Variants in SERPINB6 observed in about 807,000 individuals in gnomAD.
SERPINB6 encodes serpin family B member 6.
SERPINB6 carries 16 observed loss-of-function variants against 26.1 expected under a neutral mutation model. The ratio of observed to expected loss-of-function variants is 0.61; its 90% CI spans 0.42 to 0.93. The LOEUF is 0.93. Ranked by LOEUF, SERPINB6 falls within the 40% of genes least tolerant of loss-of-function variation. The pLI, the probability that SERPINB6 is intolerant of heterozygous loss-of-function variation, is 0.00. For synonymous variants in SERPINB6, 174 were observed against 176.6 expected, an observed-to-expected ratio of 0.99 and a Z score of 0.11; for missense variants, 420 against 478.0, an observed-to-expected ratio of 0.88 and a Z score of 1.13.
At chr6:2,953,013 G>A (rs775235260) in intron 5 of SERPINB6, 31 bp downstream of exon 5, 1 of 1,613,720 alleles carries the variant, frequency 6.2e-7, no homozygotes, top group South Asian at 1.1e-5. Context: ...TGTGAACACA[G>A]GCGCTGCTCC....
Position 2,955,654 on chromosome 6 carries a change from T to C in SERPINB6, c.182A>G (p.Lys61Arg). The C allele has an allele frequency of 6.2e-7, 1 of 1,614,212 alleles. No homozygotes were observed. Among genetic ancestry groups the C allele is most frequent in the Non-Finnish European group, 8.5e-7 (1 of 1,180,040 alleles). ...GTGGATGTCTCCACCACCGCCACTT[T>C]TATTGAAAGAAAGTATCTGAAATCA... ...AQMAQILSFN[K>R]SGGGGDIHQG... Residue 61 changes from lysine (K) to arginine (R), a missense_variant, in exon 3 of 7, where the codon AAA becomes AGA. Transcript: ENST00000380539.
intron 5 of SERPINB6, among the ~76,000 whole-genome samples, chr6:2,950,574 T>G (rs2113124318): frequency 6.8e-6 from 1 of 146,852 alleles, no homozygotes; most frequent in East Asian, 2.0e-4. Flanking sequence ...CTCTGCTGAA[T>G]AAATGATAAA....
At chr6:2,962,074 A>G (rs750443738) in intron 1 of SERPINB6, 13 of 985,302 alleles carry the variant, frequency 1.3e-5, no homozygotes, top group Non-Finnish European at 1.6e-5. Context: ...GGCTAATAAT[A>G]AAACACTCCG....
chr6:2,971,314 G>A (rs1772141470), intron 1 of SERPINB6: 3 of 421,660 alleles, frequency 7.1e-6, no homozygotes, highest in Admixed American at 6.4e-5. Flanking sequence ...ACGCTCGCCC[G>A]GGCCCCCGCC....
intron 1 of SERPINB6, chr6:2,971,023 C>T (rs1581291860): frequency 8.2e-7 from 1 of 1,215,896 alleles, no homozygotes; most frequent in East Asian, 3.2e-5. Context: ...TCCCGCCCGG[C>T]TCCTAACACC....
rs550855004 is a variant in SERPINB6, at chr6:2,948,483, C to T, written c.946G>A (p.Val316Met). ...SQTDLSLSKV[V>M]HKSFVEVNEE... ...TTGACCTCCACAAAAGACTTGTGCACGACCTTGGACAGAGACAGGTCTGTC... is the reference window on the plus strand; with the variant it reads ...TTGACCTCCACAAAAGACTTGTGCATGACCTTGGACAGAGACAGGTCTGTC... Residue 316 changes from valine to methionine, a missense_variant, in exon 7 of 7, where the codon GTG becomes ATG. Transcript: ENST00000380539. The surrounding 1 kb of genome is among the most constrained non-coding windows in gnomAD (Gnocchi z 5.0). 78 of 1,614,194 alleles carry T rather than the reference C, an allele frequency of 4.8e-5. No homozygotes were observed. The highest frequency in any genetic ancestry group is 3.7e-4 in the African/African-American group (28 of 75,056).
Position 2,967,340 on chromosome 6 carries a change from C to T in SERPINB6, c.-11+4193G>A. 1 of 460,004 alleles carries T rather than the reference C, an allele frequency of 2.2e-6. No homozygotes were observed. The highest frequency in any genetic ancestry group is 2.9e-6 in the Non-Finnish European group (1 of 349,770). 28.5% of individuals were successfully genotyped at this position (460,004 alleles called of 1,614,324 possible). On this transcript the variant is annotated intron_variant, in intron 1 of 6. Transcript: ENST00000380539. This position sits in a 1 kb window ranked among gnomAD's most constrained non-coding sequence, Gnocchi z 4.3. ...GTAAAAGCCAAAACTATAAAAAACC[C>T]TGGAAGACAATCTAGGCAATACCAT...
At chr6:2,959,875 GA>G (rs1316042633) in intron 1 of SERPINB6, 4 of 190,468 alleles carry the variant, frequency 2.1e-5, no homozygotes, top group Non-Finnish European at 4.4e-5. Flanking sequence ...AAAGATGCGT[GA>G]AAGCCTTTCA....
At chr6:2,965,310 C>T (rs1771510800) in intron 1 of SERPINB6, among the ~76,000 whole-genome samples, 1 of 152,240 alleles carries the variant, frequency 6.6e-6, no homozygotes, top group South Asian at 2.1e-4. Context: ...CTCCGTCTGT[C>T]ACCATGCTGC....
At chr6:2,954,742 T>A in intron 3 of SERPINB6, 33 bp from the exon 4 acceptor site, 1 of 1,493,944 alleles carries the variant, frequency 6.7e-7, no homozygotes, top group Non-Finnish European at 9.3e-7. Flanking sequence ...ACTGCCTGGC[T>A]ACAAAAATGA....
intron 1 of SERPINB6, chr6:2,971,171 TG>T: frequency 4.0e-6 from 4 of 995,630 alleles, no homozygotes; most frequent in Non-Finnish European, 3.6e-6. Context: ...GCCTCTTCCG[TG>T]GGCGCTGGGC....
At chr6:2,953,256 TG>T in intron 4 of SERPINB6, 70 bp from the exon 5 acceptor site, 1 of 1,604,318 alleles carries the variant, frequency 6.2e-7, no homozygotes, top group South Asian at 1.1e-5. Flanking sequence ...AGGAATCGGC[TG>T]GGGCCTTCTC....
rs574487658 is a variant in SERPINB6 at position 2,968,350 on chromosome 6, T to C, written c.-11+3183A>G. Reference sequence around the variant, plus strand: ...GGGAGAGGAAAAAATAACTATTGGGTACTAGGCTTAGTACCTGGGGGATGA... The same window carrying C: ...GGGAGAGGAAAAAATAACTATTGGGCACTAGGCTTAGTACCTGGGGGATGA... On this transcript the variant is annotated intron_variant, in intron 1 of 6. Coordinates refer to ENST00000380539, the MANE Select transcript of SERPINB6 (RefSeq NM_004568.6). 2.2e-5 allele frequency: 7 copies of C among 319,388 alleles called. No homozygotes were observed. The South Asian group carries it at 7.4e-4, about 34-fold the overall frequency. 19.8% of individuals were successfully genotyped at this position (319,388 alleles called of 1,614,324 possible). A position where few individuals can be genotyped will look rare whatever the true frequency, so the allele number is the denominator to read the frequency against.
At chr6:2,962,081 TC>T (rs1771178671) in intron 1 of SERPINB6, 1 of 985,174 alleles carries the variant, frequency 1.0e-6, no homozygotes, top group Non-Finnish European at 1.2e-6. Flanking sequence ...AATAAAACAC[TC>T]CGTCTCCGGT....
chr6:2,949,457 C>A (rs991853890), intron 5 of SERPINB6, among the ~76,000 whole-genome samples: 2 of 152,234 alleles, frequency 1.3e-5, no homozygotes, highest in African/African-American at 4.8e-5. Context: ...GTAGATCCTC[C>A]AAGTCGGCTC....
intron 3 of SERPINB6, 90 bp from the exon 4 acceptor site, chr6:2,954,799 A>G (rs1310956552): frequency 1.6e-5 from 14 of 863,440 alleles, no homozygotes; most frequent in African/African-American, 1.3e-4. Context: ...CAGAAAATCT[A>G]TAATTTTATG....
At chr6:2,950,943 G>A (rs531405053) in intron 5 of SERPINB6, among the ~76,000 whole-genome samples, 38 of 152,352 alleles carry the variant, frequency 2.5e-4, no homozygotes, top group African/African-American at 8.9e-4. Flanking sequence ...GCAGTCTCCT[G>A]GGCCTCGGCT....
rs188632022 is a variant in SERPINB6 at position 2,954,987 on chromosome 6, C to T, written c.313-278G>A. Reference sequence around the variant, plus strand: ...GGTGGATCGTGTGAGCTCAGGAGTTCGAGACCAGCCTGGCCAACATGGCGA... The same window carrying T: ...GGTGGATCGTGTGAGCTCAGGAGTTTGAGACCAGCCTGGCCAACATGGCGA... On this transcript the variant is annotated intron_variant, in intron 3 of 6. Coordinates refer to ENST00000380539, the MANE Select transcript of SERPINB6 (RefSeq NM_004568.6). 377 of 390,624 alleles carry T rather than the reference C, an allele frequency of 9.7e-4. 1 individual carries two copies. Among genetic ancestry groups the T allele is most frequent in the Non-Finnish European group, 2.2e-4 (47 of 211,076 alleles). 24.2% of individuals were successfully genotyped at this position (390,624 alleles called of 1,614,324 possible). A position where few individuals can be genotyped will look rare whatever the true frequency, so the allele number is the denominator to read the frequency against.
Position 2,955,595 on chromosome 6 carries a change from T to C in SERPINB6, c.241A>G (p.Lys81Glu), listed in dbSNP as rs1770373905. 2.5e-6 allele frequency: 4 copies of C among 1,614,250 alleles called. No individual in the cohort carries two copies. The highest frequency in any genetic ancestry group is 2.5e-6 in the Non-Finnish European group (3 of 1,180,044). Residue 81 changes from lysine to glutamate, a missense_variant, in exon 3 of 7, where the codon AAG becomes GAG. By Grantham distance (56) the Lys-to-Glu change is moderately conservative. Coordinates refer to ENST00000380539, the MANE Select transcript of SERPINB6 (RefSeq NM_004568.6). ...CTAAGCAAGTACTGCGTGCCAGTCT[T>C]GTTCACTTCGGTGAGAAGAGACTGG... ...GFQSLLTEVNKTGTQYLLRMA... is the reference protein window; with the variant it reads ...GFQSLLTEVNETGTQYLLRMA...
Sources: gnomAD v4.1 joint callset for allele counts (sites outside exome capture counted in the v4.1 genomes callset) on GRCh38, gnomAD v4.1.1 for gene constraint, Gnocchi (gnomAD v3.1) non-coding constraint, MANE v1.5 for transcripts, NCBI Gene and HGNC (gene_info 2026-07-23, HGNC 2026-07-21) for gene names.